FBXW12: variants seen among roughly 807,000 people sequenced by gnomAD.
FBXW12 encodes F-box and WD repeat domain containing 12, also known as F-box/WD repeat-containing protein 12.
FBXW12 carries 43 observed loss-of-function variants against 55.3 expected under a neutral mutation model. That is an observed-to-expected ratio of 0.78 (90% CI 0.61 to 1.00). The LOEUF (loss-of-function observed/expected upper bound fraction) is 1.00, where lower values mean the gene tolerates loss of function less well. Among genes scored for constraint, FBXW12 ranks in the 50% least tolerant of loss-of-function variants. The pLI, the probability that FBXW12 is intolerant of heterozygous loss-of-function variation, is 0.00. For synonymous variants in FBXW12, 184 were observed against 203.8 expected (o/e 0.90, Z 0.83); for missense variants, 524 against 560.5 (o/e 0.93, Z 0.66).
In FBXW12 at chr3:48,380,768, C is replaced by A; in HGVS notation, c.841C>A (p.His281Asn). 6.2e-7 allele frequency: 1 copy of A among 1,614,170 alleles called. No individual in the cohort carries two copies. Residue 281 changes from histidine to asparagine, a missense_variant, in exon 8 of 11, where the codon CAT becomes AAT. By Grantham distance (68) the His-to-Asn change is moderately conservative (BLOSUM62 1). Transcript: ENST00000296438. ...GSVPLSTFLP[H>N]KLCASACWTP... ...TGTTCCTCTGTCTACCTTTCTCCCA[C>A]ATAAATTATGTGCCAGCGCCTGCTG...
At chr3:48,376,126 C>T (rs2036682469) in intron 5 of FBXW12, among the ~76,000 whole-genome samples, 2 of 151,658 alleles carry the variant, frequency 1.3e-5, no homozygotes, top group Non-Finnish European at 2.9e-5. Flanking sequence ...AGATTACAGG[C>T]GCGCGCCACG....
chr3:48,380,045 CA>C (rs960097538), intron 7 of FBXW12: 9 of 165,076 alleles, frequency 5.5e-5, no homozygotes, highest in African/African-American at 1.9e-4. Context: ...CAGAAAAGGT[CA>C]AAACTCCCAT....
intron 5 of FBXW12, among the ~76,000 whole-genome samples, chr3:48,376,014 CTG>C (rs1330192355): frequency 9.3e-6 from 1 of 107,266 alleles, no homozygotes; most frequent in Admixed American, 1.4e-4. Flanking sequence ...GACAGTCTCA[CTG>C]TGTTGCCCAG....
At chr3:48,386,942 T>C (rs77527560) in intron 10 of FBXW12, among the ~76,000 whole-genome samples, 2 of 36,448 alleles carry the variant, frequency 5.5e-5, no homozygotes, top group African/African-American at 1.3e-4. Context: ...CTTCTTCTTC[T>C]TTTTTTTTTT....
At chr3:48,385,343 T>C (rs1393278268) in intron 10 of FBXW12, among the ~76,000 whole-genome samples, 1 of 45,868 alleles carries the variant, frequency 2.2e-5, no homozygotes, top group African/African-American at 8.9e-5. Flanking sequence ...TTCCATTGTG[T>C]GTGTGTGTGT....
intron 10 of FBXW12, among the ~76,000 whole-genome samples, chr3:48,384,971 G>A (rs903385528): frequency 1.3e-5 from 2 of 152,034 alleles, no homozygotes; most frequent in South Asian, 4.2e-4. Context: ...TTACTTTTGT[G>A]GTAAAAAATA....
At chr3:48,376,746 C>T (rs1375067281) in intron 5 of FBXW12, among the ~76,000 whole-genome samples, 2 of 152,178 alleles carry the variant, frequency 1.3e-5, no homozygotes, top group Non-Finnish European at 2.9e-5. Flanking sequence ...CGAAGGATGA[C>T]CCAGACAGAA....
chr3:48,389,646 G>A (rs981022511), intron 10 of FBXW12, among the ~76,000 whole-genome samples: 1 of 152,188 alleles, frequency 6.6e-6, no homozygotes. Flanking sequence ...GAAGTGTTGG[G>A]ATTACAGGTG....
chr3:48,375,394 T>TA lies in FBXW12; in HGVS notation c.328dup (p.Thr110AsnfsTer4). The TA allele has an allele frequency of 6.2e-7, 1 of 1,612,576 alleles. No homozygotes were observed. Among genetic ancestry groups the TA allele is most frequent in the Non-Finnish European group, 8.5e-7 (1 of 1,179,518 alleles). On this transcript the variant is annotated frameshift_variant, in exon 5 of 11. Coordinates refer to ENST00000296438, the MANE Select transcript of FBXW12 (RefSeq NM_207102.2). LOFTEE classifies it high-confidence loss of function. ...TGGCTTATCTCTCAGGAAATAGACT[T>TA]ACAGTGGATGAACAGGAGAAATCAA...
intron 10 of FBXW12, among the ~76,000 whole-genome samples, chr3:48,389,656 G>T (rs563845924): frequency 6.6e-6 from 1 of 152,324 alleles, no homozygotes; most frequent in Non-Finnish European, 1.5e-5. Context: ...GATTACAGGT[G>T]TGAGCCACCG....
Sources: allele counts gnomAD v4.1 joint callset (sites outside exome capture counted in the v4.1 genomes callset), GRCh38; gene constraint gnomAD v4.1.1; transcripts MANE v1.5; gene names NCBI Gene and HGNC (gene_info 2026-07-23, HGNC 2026-07-21).